SYNE2: variants seen among roughly 807,000 people sequenced by gnomAD.
SYNE2 encodes the protein spectrin repeat containing nuclear envelope protein 2.
Under a neutral mutation model 856.3 loss-of-function variants are expected in SYNE2, and 431 were observed. That is an observed-to-expected ratio of 0.50 (90% CI 0.47 to 0.55). The LOEUF is 0.55. Among genes scored for constraint, SYNE2 ranks in the 20% least tolerant of loss-of-function variants. SYNE2 has a pLI of 0.00. For missense variants in SYNE2, 8,129 were observed against 8,023.2 expected (o/e 1.01, Z -0.50); for synonymous variants, 2,923 against 2,872.3 (o/e 1.02, Z -0.56).
intron 1 of SYNE2, among the ~76,000 whole-genome samples, chr14:63,834,167 A>G (rs1889768227): frequency 6.6e-6 from 1 of 152,196 alleles, no homozygotes; most frequent in Non-Finnish European, 1.5e-5. Flanking sequence ...ATATGTTCAT[A>G]TATTTCACAG....
At chr14:63,771,967 G>A (rs149394018) in intron 1 of SYNE2, among the ~76,000 whole-genome samples, 444 of 152,252 alleles carry the variant, frequency 2.9e-3, no homozygotes, top group Non-Finnish European at 5.1e-3. Flanking sequence ...AAACCATAGC[G>A]GTAGGCATGA....
intron 76 of SYNE2, 112 bp downstream of exon 76, chr14:64,130,360 C>A: frequency 1.0e-6 from 1 of 1,001,240 alleles, no homozygotes. Context: ...TTAAGCTATT[C>A]ATTCTTTTAA....
Position 64,225,041 on chromosome 14 carries a change from A to AGCAGGTAACGGG in SYNE2, c.20515_20516+10dup. The stretch of plus-strand genomic sequence containing the variant: ...TACAGAAGGCGAGGAGGAGACAGAG[A>AGCAGGTAACGGG]GCAGGTAACGGGGCTTTACCGTGAC... On this transcript the variant is annotated stop_gained and inframe_insertion, in exon 115 of 116. Transcript: ENST00000555002. LOFTEE classifies it high-confidence loss of function. The AGCAGGTAACGGG allele has an allele frequency of 6.2e-7, 1 of 1,613,938 alleles. No individual in the cohort carries two copies. The highest frequency in any genetic ancestry group is 8.5e-7 in the Non-Finnish European group (1 of 1,179,944).
At position 64,218,499 on chromosome 14, in the gene SYNE2, A is replaced by C; in HGVS notation, c.19644A>C (p.Thr6548=). The change falls in exon 109 of 116, where the codon ACA becomes ACC. Residue 6548 remains threonine (T), a synonymous_variant. Coordinates refer to ENST00000555002, the MANE Select transcript of SYNE2 (RefSeq NM_182914.3). ...AAGACGGGGGACTGGCCGGTATCAC[A>C]GAGCAGCAGTCAGGTACTGCCTGTA... ...QQEDGGLAGI[T]EQQSGAFDRW... is the part of the protein sequence containing the mutation. 1 of 1,613,950 alleles carries C rather than the reference A, an allele frequency of 6.2e-7. No individual in the cohort carries two copies.
chr14:63,902,407 C>CAA (rs10533353), intron 1 of SYNE2, among the ~76,000 whole-genome samples: 192 of 74,304 alleles, frequency 2.6e-3, no homozygotes, highest in African/African-American at 4.2e-3. Flanking sequence ...CGAGACTCCT[C>CAA]AAAAAAAAAA....
At chr14:64,104,446 C>CTTTTTTTTT (rs34102150) in intron 64 of SYNE2, among the ~76,000 whole-genome samples, 2 of 118,802 alleles carry the variant, frequency 1.7e-5, no homozygotes, top group Non-Finnish European at 3.3e-5. Context: ...CCTGTTTTCT[C>CTTTTTTTTT]TTTTTTTTTT....
intron 1 of SYNE2, among the ~76,000 whole-genome samples, chr14:63,906,461 A>ACC (rs2095410935): frequency 6.6e-6 from 1 of 152,168 alleles, no homozygotes; most frequent in East Asian, 1.9e-4. Flanking sequence ...GTAGGTTTTA[A>ACC]AAAAAATTAT....
intron 100 of SYNE2, 25 bp from the exon 101 acceptor site, chr14:64,208,733 G>T (rs948566404): frequency 1.9e-6 from 3 of 1,613,882 alleles, no homozygotes; most frequent in South Asian, 2.2e-5. Context: ...ATCTCAAGAG[G>T]TTTCTTACTC....
intron 46 of SYNE2, 94 bp downstream of exon 46, chr14:64,048,249 T>C: frequency 8.1e-7 from 1 of 1,239,252 alleles, no homozygotes; most frequent in Non-Finnish European, 1.1e-6. Flanking sequence ...TTGTACAGAG[T>C]GAAAAGTCTT....
rs545972400 is a variant in SYNE2, at chr14:64,004,478, C to T, written c.4397+1148C>T. 7.3e-5 allele frequency among the ~76,000 whole-genome samples: 11 copies of T among 150,296 alleles called. No individual in the cohort carries two copies. In the South Asian group the frequency reaches 8.5e-4, roughly 12 times the overall value. On this transcript the variant is annotated intron_variant, in intron 30 of 115. Transcript: ENST00000555002. ...CCCAGTAGCTGGGATTACAGGCACG[C>T]GCCACCACGCCTGGCTAATTTTTGT...
chr14:63,980,319 A>G (rs1049174860), intron 14 of SYNE2, among the ~76,000 whole-genome samples: 3 of 152,224 alleles, frequency 2.0e-5, no homozygotes, highest in Non-Finnish European at 4.4e-5. Flanking sequence ...AGCTGACACA[A>G]TTATGTAATA....
chr14:63,824,759 G>A (rs1421714934), intron 1 of SYNE2, among the ~76,000 whole-genome samples: 1 of 152,046 alleles, frequency 6.6e-6, no homozygotes, highest in East Asian at 1.9e-4. Context: ...TTGCATGCCT[G>A]TATCAACATA....
At chr14:63,815,305 A>AT (rs1350460336) in intron 1 of SYNE2, among the ~76,000 whole-genome samples, 1 of 81,900 alleles carries the variant, frequency 1.2e-5, no homozygotes, top group East Asian at 2.7e-4. Context: ...ACAAGTTCCC[A>AT]TATAGGCCGT....
chr14:63,907,522 T>G (rs551602242), intron 1 of SYNE2, among the ~76,000 whole-genome samples: 30 of 152,246 alleles, frequency 2.0e-4, no homozygotes, highest in Middle Eastern at 3.4e-3. Context: ...TGAGGTTGTA[T>G]ATACAAAGTG....
intron 1 of SYNE2, among the ~76,000 whole-genome samples, chr14:63,785,386 A>T (rs1367352359): frequency 2.0e-5 from 3 of 152,104 alleles, no homozygotes; most frequent in Non-Finnish European, 2.9e-5. Context: ...GGAACCTGGG[A>T]AGTTGAGGCT....
At chr14:64,083,569 A>G (rs913815233) in intron 57 of SYNE2, among the ~76,000 whole-genome samples, 1 of 152,218 alleles carries the variant, frequency 6.6e-6, no homozygotes, top group African/African-American at 2.4e-5. Flanking sequence ...AAGTAGGGAC[A>G]AGGAAGGCTC....
rs546805336 is a variant in SYNE2, at chr14:63,831,354, G to A, written c.-304-21147G>A. ...CTTTCTATCAAAATACAAGGATTTT[G>A]TTTTTTTACTTTCCAGTATCTAATG... On this transcript the variant is annotated intron_variant, in intron 1 of 23. Coordinates refer to the SYNE2 transcript ENST00000674003. Among the ~76,000 whole-genome samples, 11 of 151,906 alleles carry A rather than the reference G, an allele frequency of 7.2e-5. No homozygotes were observed. The South Asian group carries it at 1.2e-3, about 17-fold the overall frequency.
At chr14:63,796,100 G>C (rs888730839) in intron 1 of SYNE2, among the ~76,000 whole-genome samples, 4 of 152,182 alleles carry the variant, frequency 2.6e-5, no homozygotes, top group African/African-American at 9.7e-5. Flanking sequence ...TAGCAAGCCA[G>C]GATTCAAATC....
At chr14:64,124,930 G>A in intron 70 of SYNE2, 149 bp from the exon 71 acceptor site, 1 of 934,546 alleles carries the variant, frequency 1.1e-6, no homozygotes, top group Admixed American at 2.7e-5. Flanking sequence ...TTGAACATGG[G>A]AGACAGAGGT....
Sources: allele counts gnomAD v4.1 joint callset (sites outside exome capture counted in the v4.1 genomes callset), GRCh38; gene constraint gnomAD v4.1.1; transcripts MANE v1.5; gene names NCBI Gene and HGNC (gene_info 2026-07-23, HGNC 2026-07-21).